The following ZFYVE9 variants were observed in gnomAD, a reference collection of about 807,000 sequenced individuals.
ZFYVE9 encodes zinc finger FYVE domain-containing protein 9.
Under a neutral mutation model 126.7 loss-of-function variants are expected in ZFYVE9, and 43 were observed. The observed-to-expected ratio is 0.34, with a 90% confidence interval of 0.27 to 0.44. ZFYVE9 has a LOEUF of 0.44. Among genes scored for constraint, ZFYVE9 ranks in the 20% least tolerant of loss-of-function variants. The probability of loss-of-function intolerance (pLI) is 1.00; values close to 1 mark genes in which losing one functional copy is unlikely to be tolerated. For synonymous variants in ZFYVE9, 521 were observed against 597.4 expected, an observed-to-expected ratio of 0.87 and a Z score of 1.87; for missense variants, 1,476 against 1,697.0, an observed-to-expected ratio of 0.87 and a Z score of 2.29.
Position 52,237,476 on chromosome 1 carries a change from AT to A in ZFYVE9, c.71-5del, listed in dbSNP as rs748925754. ...ACAAGCAAACTTATTGTAATTACTT[AT>A]TTTTTTCCAGATGAAACAGTTTCTT... On this transcript the variant is annotated splice_polypyrimidine_tract_variant and intron_variant, in intron 3 of 18. Coordinates refer to ENST00000287727, the MANE Select transcript of ZFYVE9 (RefSeq NM_004799.4). 3 of 1,578,108 alleles carry A rather than the reference AT, an allele frequency of 1.9e-6. No individual in the cohort carries two copies. The South Asian group carries it at 3.5e-5, about 18-fold the overall frequency.
intron 13 of ZFYVE9, among the ~76,000 whole-genome samples, chr1:52,305,436 A>G (rs991827744): frequency 6.6e-6 from 1 of 152,166 alleles, no homozygotes; most frequent in South Asian, 2.1e-4. Context: ...TCTCAAAAAA[A>G]CAAACAAACA....
intron 1 of ZFYVE9, among the ~76,000 whole-genome samples, chr1:52,184,393 ATTTTTTTTTT>A (rs57242903): frequency 7.8e-5 from 9 of 115,072 alleles, no homozygotes; most frequent in African/African-American, 3.1e-4. Context: ...AGTCCAGCTA[ATTTTTTTTTT>A]TTTTTTTTTT....
chr1:52,315,363 G>A (rs2147853632), intron 13 of ZFYVE9, among the ~76,000 whole-genome samples: 1 of 152,264 alleles, frequency 6.6e-6, no homozygotes, highest in Middle Eastern at 3.4e-3. Context: ...AGTGATTGGA[G>A]GTTGCAGTGA....
At chr1:52,311,144 A>G (rs1489705415) in intron 13 of ZFYVE9, among the ~76,000 whole-genome samples, 1 of 152,172 alleles carries the variant, frequency 6.6e-6, no homozygotes, top group African/African-American at 2.4e-5. Context: ...TGAGATTACA[A>G]GCATGAGCCA....
At chr1:52,246,557 A>G (rs1241700563) in intron 4 of ZFYVE9, among the ~76,000 whole-genome samples, 2 of 146,988 alleles carry the variant, frequency 1.4e-5, no homozygotes, top group Non-Finnish European at 3.0e-5. Context: ...TTTGAGACAA[A>G]CTCTTGGTCT....
At chr1:52,189,303 C>G (rs912376503) in intron 1 of ZFYVE9, among the ~76,000 whole-genome samples, 12 of 151,470 alleles carry the variant, frequency 7.9e-5, no homozygotes, top group African/African-American at 2.7e-4. Flanking sequence ...GTGGCACGAT[C>G]CAGGCTCACT....
chr1:52,260,820 G>GA (rs962702157), intron 4 of ZFYVE9, among the ~76,000 whole-genome samples: 18 of 150,346 alleles, frequency 1.2e-4, no homozygotes, highest in Non-Finnish European at 1.8e-4. Context: ...CTAGCTCAAA[G>GA]AAAAAAAAAT....
At chr1:52,196,038 T>G (rs1572092043) in intron 1 of ZFYVE9, among the ~76,000 whole-genome samples, 1 of 152,144 alleles carries the variant, frequency 6.6e-6, no homozygotes, top group Middle Eastern at 3.4e-3. Flanking sequence ...GTGATCCGCC[T>G]ACCTTGGCCT....
In ZFYVE9 at chr1:52,268,593, C is replaced by T. The variant is rs748662588; in HGVS notation, c.2586C>T (p.Asp862=). 13 of 1,613,944 alleles carry T rather than the reference C, an allele frequency of 8.1e-6. No homozygotes were observed. The East Asian group carries it at 2.7e-4, about 33-fold the overall frequency. ...CAGGAACCCTGGCTGTGTCACACGA[C>T]CCAGTCAAGCCAGTAACTACCAGTC... is the stretch of plus-strand genomic sequence containing the variant. ...SSAGTLAVSH[D]PVKPVTTSPL... The change falls in exon 7 of 19, where the codon GAC becomes GAT. Residue 862 remains aspartate, a synonymous_variant. Transcript: ENST00000287727.
chr1:52,171,215 T>C (rs1437569952), intron 1 of ZFYVE9, among the ~76,000 whole-genome samples: 2 of 150,046 alleles, frequency 1.3e-5, no homozygotes, highest in African/African-American at 2.4e-5. Context: ...TGTGTTCTCA[T>C]TGTTCAATTC....
rs142888719 is a variant in ZFYVE9 at position 52,237,930 on chromosome 1, T to C, written c.513T>C (p.Asn171=). 2 of 1,613,918 alleles carry C rather than the reference T, an allele frequency of 1.2e-6. No homozygotes were observed. Among genetic ancestry groups the C allele is most frequent in the African/African-American group, 2.7e-5 (2 of 74,934 alleles). Residue 171 remains asparagine, a synonymous_variant, in exon 4 of 19, where the codon AAT becomes AAC. Transcript: ENST00000287727. ...AAAACGATTTACAGGATTGTAATAA[T>C]TATAATAGTCAATCCCTTATGGATG... The part of the protein sequence containing the change: ...TLQNDLQDCN[N]YNSQSLMDAF...
chr1:52,235,001 C>T (rs192920584), intron 3 of ZFYVE9, among the ~76,000 whole-genome samples: 6 of 152,218 alleles, frequency 3.9e-5, no homozygotes, highest in African/African-American at 1.4e-4. Context: ...TTTGTGACTT[C>T]TGTAGATTCT....
chr1:52,342,155 G>A (rs559820946), intron 17 of ZFYVE9, among the ~76,000 whole-genome samples: 130 of 152,282 alleles, frequency 8.5e-4, no homozygotes, highest in African/African-American at 1.9e-3. Flanking sequence ...ACGGGGCTTC[G>A]GAGCTGCCTC....
intron 2 of ZFYVE9, among the ~76,000 whole-genome samples, chr1:52,231,306 T>A (rs952713459): frequency 2.0e-5 from 3 of 152,030 alleles, no homozygotes; most frequent in Admixed American, 6.6e-5. Context: ...TCACTTGAGG[T>A]CAGGAGTTTG....
At chr1:52,227,986 CT>C (rs1413695099) in intron 2 of ZFYVE9, among the ~76,000 whole-genome samples, 1 of 152,202 alleles carries the variant, frequency 6.6e-6, no homozygotes, top group African/African-American at 2.4e-5. Flanking sequence ...TCAGTTCCTG[CT>C]TTCCTTCTAG....
intron 5 of ZFYVE9, among the ~76,000 whole-genome samples, chr1:52,266,416 A>T (rs1477052549): frequency 2.1e-5 from 3 of 145,274 alleles, no homozygotes; most frequent in African/African-American, 5.6e-5. Flanking sequence ...AAAAAAAAAA[A>T]AAAAAAAAAA....
intron 1 of ZFYVE9, among the ~76,000 whole-genome samples, chr1:52,176,873 C>T (rs570444822): frequency 1.5e-4 from 23 of 152,242 alleles, no homozygotes; most frequent in African/African-American, 2.2e-4. Flanking sequence ...GGGAGTGACC[C>T]GATTTTCCAG....
At chr1:52,155,535 C>T (rs1412195053) in intron 1 of ZFYVE9, among the ~76,000 whole-genome samples, 1 of 152,300 alleles carries the variant, frequency 6.6e-6, no homozygotes, top group East Asian at 1.9e-4. Flanking sequence ...CGCCCGGCCA[C>T]AGGAGCTGTT....
rs528161117 is a variant in ZFYVE9, at chr1:52,341,168, C to T, written c.3939+937C>T. On this transcript the variant is annotated intron_variant, in intron 17 of 18. Transcript: ENST00000287727. ...CTGGGTGGTGGAGGTTGTGGTGAGC[C>T]GAGATTGTGCCATTGCACGCCAGCC... 2.0e-5 allele frequency among the ~76,000 whole-genome samples: 3 copies of T among 152,280 alleles called. No individual in the cohort carries two copies. In the South Asian group the frequency reaches 6.2e-4, roughly 32 times the overall value.
Sources: allele counts gnomAD v4.1 joint callset (sites outside exome capture counted in the v4.1 genomes callset), GRCh38; gene constraint gnomAD v4.1.1; transcripts MANE v1.5; gene names NCBI Gene and HGNC (gene_info 2026-07-23, HGNC 2026-07-21).